Variants in KCNC1 observed in about 807,000 individuals in gnomAD.
KCNC1 encodes potassium voltage-gated channel subfamily C member 1.
In KCNC1, 8 loss-of-function variants were observed where a neutral mutation model predicts 43.4. That is an observed-to-expected ratio of 0.18 (90% CI 0.11 to 0.33). The LOEUF (loss-of-function observed/expected upper bound fraction) is 0.33. Ranked by LOEUF, KCNC1 falls within the 10% of genes least tolerant of loss-of-function variation. The pLI is 1.00. For synonymous variants in KCNC1, 361 were observed against 360.5 expected (o/e 1.00, Z -0.01); for missense variants, 420 against 836.0 (o/e 0.50, Z 6.14).
intron 1 of KCNC1, among the ~76,000 whole-genome samples, chr11:17,765,156 G>A (rs1005611932): frequency 3.3e-5 from 5 of 152,152 alleles, no homozygotes; most frequent in Non-Finnish European, 7.3e-5. Flanking sequence ...GCCCAGAGAG[G>A]GGAAGCAACT....
chr11:17,751,393 G>A (rs777715794), intron 1 of KCNC1, among the ~76,000 whole-genome samples: 2 of 152,226 alleles, frequency 1.3e-5, no homozygotes, highest in Non-Finnish European at 2.9e-5. Flanking sequence ...CAGTGGATGG[G>A]TAAACAAATG....
At chr11:17,770,481 C>T (rs561706036) in intron 1 of KCNC1, among the ~76,000 whole-genome samples, 4 of 152,294 alleles carry the variant, frequency 2.6e-5, no homozygotes, top group African/African-American at 7.2e-5. Flanking sequence ...AGAGTCCCGG[C>T]GGGGCTGGCA....
intron 3 of KCNC1, chr11:17,780,762 C>T (rs1170258106): frequency 6.6e-6 from 1 of 152,412 alleles, no homozygotes; most frequent in African/African-American, 2.4e-5. Flanking sequence ...AGAGGCAGCC[C>T]GCACGGAGAC....
rs578041858 is a variant in KCNC1 at position 17,774,216 on chromosome 11, A to T, written c.1504+1618A>T. On this transcript the variant is annotated intron_variant, in intron 2 of 3. Coordinates refer to ENST00000265969, the MANE Select transcript of KCNC1 (RefSeq NM_001112741.2). ...AACAGCTCCGAGCTCTCTGCTTTGG[A>T]TTAGCTAGTTACTTGATTTCAGGAG... 15 of 985,308 alleles carry T rather than the reference A, an allele frequency of 1.5e-5. No homozygotes were observed. In the South Asian group the frequency reaches 2.3e-4, roughly 15 times the overall value. The allele number at this position is 985,308 out of a possible 1,614,324, so 61.0% of individuals were successfully genotyped here.
At position 17,781,958 on chromosome 11, in the gene KCNC1, A is replaced by T. The variant is rs2133811766; in HGVS notation, c.*224A>T. ...TTTTCATTTTTTAAAATTTTATTTT[A>T]TTTGGGGAGGGGGGGTGGAGGGGCT... is the stretch of plus-strand genomic sequence containing the variant. On this transcript the variant is annotated 3_prime_UTR_variant, in exon 4 of 4. Transcript: ENST00000265969. The surrounding 1 kb of genome is among the most constrained non-coding windows in gnomAD (Gnocchi z 5.1). 4.3e-4 allele frequency: 177 copies of T among 415,060 alleles called. No homozygotes were observed. Among genetic ancestry groups the T allele is most frequent in the Middle Eastern group, 1.9e-3 (3 of 1,554 alleles). The allele number at this position is 415,060 out of a possible 1,614,324, so 25.7% of individuals were successfully genotyped here.
In KCNC1 at chr11:17,776,771, T is replaced by A. The variant is rs1231473497; in HGVS notation, c.1505-2685T>A. Reference sequence around the variant, plus strand: ...GCGGGGGCTCACACCTTTGACCCTATTCATGGGTTCCCCAGATTTATACAG... The same window carrying A: ...GCGGGGGCTCACACCTTTGACCCTAATCATGGGTTCCCCAGATTTATACAG... On this transcript the variant is annotated intron_variant, in intron 2 of 3. Transcript: ENST00000265969. This position sits in a 1 kb window ranked among gnomAD's most constrained non-coding sequence, Gnocchi z 4.4. 1 of 984,934 alleles carries A rather than the reference T, an allele frequency of 1.0e-6. No individual in the cohort carries two copies. Among genetic ancestry groups the A allele is most frequent in the African/African-American group, 1.8e-5 (1 of 57,088 alleles). The allele number at this position is 984,934 out of a possible 1,614,324, so 61.0% of individuals were successfully genotyped here.
At chr11:17,759,053 C>A (rs762492057) in intron 1 of KCNC1, among the ~76,000 whole-genome samples, 8 of 152,256 alleles carry the variant, frequency 5.3e-5, no homozygotes, top group African/African-American at 9.6e-5. Context: ...ATTGAAAAAT[C>A]TTTTGTTTGG....
At chr11:17,770,485 G>C (rs1170246983) in intron 1 of KCNC1, among the ~76,000 whole-genome samples, 5 of 152,212 alleles carry the variant, frequency 3.3e-5, no homozygotes. Flanking sequence ...TCCCGGCGGG[G>C]CTGGCAGGAG....
In KCNC1 at chr11:17,742,248, G is replaced by A. The variant is rs990152614; in HGVS notation, c.570+5676G>A. 1.5e-4 allele frequency among the ~76,000 whole-genome samples: 23 copies of A among 152,154 alleles called. No individual in the cohort carries two copies. The highest frequency in any genetic ancestry group is 5.3e-4 in the African/African-American group (22 of 41,426). ...TGGAGTCTGTGCTCCTTGACTCTGA[G>A]CAGGAGGCCTGGCCTCTGCCAGAAG... is the stretch of plus-strand genomic sequence containing the variant. On this transcript the variant is annotated intron_variant, in intron 1 of 3. Coordinates refer to ENST00000265969, the MANE Select transcript of KCNC1 (RefSeq NM_001112741.2). This position sits in a 1 kb window ranked among gnomAD's most constrained non-coding sequence, Gnocchi z 4.2.
chr11:17,745,803 A>G (rs1329892099), intron 1 of KCNC1, among the ~76,000 whole-genome samples: 1 of 152,078 alleles, frequency 6.6e-6, no homozygotes, highest in Non-Finnish European at 1.5e-5. Flanking sequence ...CTCCAGGTCT[A>G]TACTCAGACA....
chr11:17,774,152 G>A, intron 2 of KCNC1: 1 of 985,536 alleles, frequency 1.0e-6, no homozygotes, highest in African/African-American at 1.7e-5. Context: ...ATTTCTGTAG[G>A]TGCCTGAGAG....
Position 17,779,410 on chromosome 11 carries a change from T to G in KCNC1, c.1505-46T>G. The G allele has an allele frequency of 1.5e-6, 2 of 1,365,666 alleles. No homozygotes were observed. Among genetic ancestry groups the G allele is most frequent in the Non-Finnish European group, 1.9e-6 (2 of 1,037,200 alleles). The allele number at this position is 1,365,666 out of a possible 1,614,324, so 84.6% of individuals were successfully genotyped here. ...TGGCCTGTCCCCCCCTGCCCCCCAC[T>G]AAACAGTTTTCAGTGTCTCAATAGC... On this transcript the variant is annotated intron_variant, in intron 2 of 3. Coordinates refer to ENST00000265969, the MANE Select transcript of KCNC1 (RefSeq NM_001112741.2). This position sits in a 1 kb window ranked among gnomAD's most constrained non-coding sequence, Gnocchi z 7.2.
chr11:17,745,847 C>T (rs937247712), intron 1 of KCNC1, among the ~76,000 whole-genome samples: 5 of 152,190 alleles, frequency 3.3e-5, no homozygotes, highest in Admixed American at 6.5e-5. Flanking sequence ...CCGGCCCCTT[C>T]CCCACTTCGT....
Position 17,771,790 on chromosome 11 carries a change from A to C in KCNC1, c.696A>C (p.Gln232His), listed in dbSNP as rs775885483. The C allele has an allele frequency of 9.9e-6, 16 of 1,614,114 alleles. No homozygotes were observed. Among genetic ancestry groups the C allele is most frequent in the Non-Finnish European group, 1.2e-5 (14 of 1,180,034 alleles). ...TCGAGAACGTTCGCAATGGCACGCAAGTGCGCTACTACCGGGAGGCCGAGA... is the reference window on the plus strand; with the variant it reads ...TCGAGAACGTTCGCAATGGCACGCACGTGCGCTACTACCGGGAGGCCGAGA... ...TEIENVRNGT[Q>H]VRYYREAETE... Residue 232 changes from glutamine (Q) to histidine (H), a missense_variant, in exon 2 of 4, where the codon CAA (glutamine) becomes CAC (histidine). Around this residue, in one of 5 missense-constraint regions of KCNC1, gnomAD observed 151 missense variants for 216.7 expected, o/e 0.70. Coordinates refer to ENST00000265969, the MANE Select transcript of KCNC1 (RefSeq NM_001112741.2). This position sits in a 1 kb window ranked among gnomAD's most constrained non-coding sequence, Gnocchi z 4.7.
rs2133804860 is a variant in KCNC1 at position 17,771,741 on chromosome 11, A to G, written c.647A>G (p.Asn216Ser). The change falls in exon 2 of 4, where the codon AAC (asparagine) becomes AGC (serine). Residue 216 changes from asparagine (N) to serine (S), a missense_variant. Transcript: ENST00000265969. This position sits in a 1 kb window ranked among gnomAD's most constrained non-coding sequence, Gnocchi z 4.7. ...TFCLETHERF[N>S]PIVNKTEIEN... ...TGCCTGGAGACCCACGAGCGCTTCA[A>G]CCCCATCGTGAACAAGACGGAGATC... 2.5e-6 allele frequency: 4 copies of G among 1,614,056 alleles called. No homozygotes were observed. The highest frequency in any genetic ancestry group is 3.4e-6 in the Non-Finnish European group (4 of 1,179,974).
chr11:17,749,396 G>C (rs1004123701), intron 1 of KCNC1, among the ~76,000 whole-genome samples: 1 of 152,206 alleles, frequency 6.6e-6, no homozygotes, highest in Non-Finnish European at 1.5e-5. Context: ...CCTGACAAGC[G>C]GGCTACCATA....
In KCNC1 at chr11:17,781,543, G is replaced by A; in HGVS notation, c.1694-127G>A. The A allele has an allele frequency of 1.4e-6, 1 of 691,956 alleles. No homozygotes were observed. Among genetic ancestry groups the A allele is most frequent in the East Asian group, 2.7e-5 (1 of 36,502 alleles). 42.9% of individuals were successfully genotyped at this position (691,956 alleles called of 1,614,324 possible). A position where few individuals can be genotyped will look rare whatever the true frequency, so the allele number is the denominator to read the frequency against. On this transcript the variant is annotated intron_variant, in intron 3 of 3. Coordinates refer to ENST00000265969, the MANE Select transcript of KCNC1 (RefSeq NM_001112741.2). This position sits in a 1 kb window ranked among gnomAD's most constrained non-coding sequence, Gnocchi z 5.1. ...GCATGGGCAAACCAAGCCAGCTGGA[G>A]AAGAATCTGCCTGCCTCTGCATGCG... is the stretch of plus-strand genomic sequence containing the variant.
chr11:17,762,918 G>A (rs1342468145), intron 1 of KCNC1, among the ~76,000 whole-genome samples: 2 of 152,252 alleles, frequency 1.3e-5, no homozygotes, highest in Non-Finnish European at 2.9e-5. Flanking sequence ...CAAGCCCAAG[G>A]TGCCACCGAT....
At chr11:17,744,975 G>A (rs979778061) in intron 1 of KCNC1, among the ~76,000 whole-genome samples, 13 of 152,096 alleles carry the variant, frequency 8.5e-5, no homozygotes, top group Non-Finnish European at 1.5e-5. Context: ...GGCCTGAGAG[G>A]TGTGGGCTCC....
Sources: allele counts gnomAD v4.1 joint callset (sites outside exome capture counted in the v4.1 genomes callset), GRCh38; gene constraint gnomAD v4.1.1; regional missense constraint gnomAD v4.1.1; non-coding constraint Gnocchi (gnomAD v3.1); transcripts MANE v1.5; gene names NCBI Gene and HGNC (gene_info 2026-07-23, HGNC 2026-07-21).